Variants in SCTR observed in about 807,000 individuals in gnomAD.
SCTR encodes secretin receptor.
SCTR carries 56 observed loss-of-function variants against 60.8 expected under a neutral mutation model. That is an observed-to-expected ratio of 0.92 (90% CI 0.74 to 1.15). The LOEUF is 1.15. SCTR is among the 50% of genes most tolerant of loss of function. The pLI is 0.00. For synonymous variants in SCTR, 202 were observed against 217.0 expected, an observed-to-expected ratio of 0.93 and a Z score of 0.61; for missense variants, 562 against 550.4, an observed-to-expected ratio of 1.02 and a Z score of -0.21.
intron 7 of SCTR, among the ~76,000 whole-genome samples, chr2:119,456,912 C>T (rs545313680): frequency 6.6e-6 from 1 of 152,218 alleles, no homozygotes; most frequent in East Asian, 1.9e-4. Context: ...CAAGGAATGC[C>T]AAGCATTGCC....
intron 10 of SCTR, among the ~76,000 whole-genome samples, chr2:119,447,402 T>G (rs931029331): frequency 6.6e-6 from 1 of 152,164 alleles, no homozygotes; most frequent in Non-Finnish European, 1.5e-5. Context: ...AACGATTTGT[T>G]GTTTATCCAA....
intron 2 of SCTR, among the ~76,000 whole-genome samples, chr2:119,483,802 G>A (rs61154531): frequency 0.037 from 5,565 of 152,224 alleles, 340 homozygotes; most frequent in African/African-American, 0.13. Flanking sequence ...CAGGAGGTGC[G>A]TGGCTCTAGC....
intron 12 of SCTR, among the ~76,000 whole-genome samples, chr2:119,441,113 AG>A (rs1682641341): frequency 1.3e-5 from 2 of 152,306 alleles, no homozygotes; most frequent in Admixed American, 1.3e-4. Flanking sequence ...AGCTGCAGAC[AG>A]TTCTGAGTCA....
At chr2:119,464,371 C>A (rs1008742934) in intron 5 of SCTR, 116 bp from the exon 6 acceptor site, 3 of 958,782 alleles carry the variant, frequency 3.1e-6, no homozygotes. Flanking sequence ...CAGCTCTTTC[C>A]GGGTAACACA....
At chr2:119,463,044 TCA>T (rs1306460568) in intron 6 of SCTR, among the ~76,000 whole-genome samples, 2 of 149,886 alleles carry the variant, frequency 1.3e-5, no homozygotes, top group Non-Finnish European at 1.5e-5. Flanking sequence ...GAAGAACCTC[TCA>T]GTCTGAGTCA....
intron 12 of SCTR, 100 bp downstream of exon 12, chr2:119,441,458 C>T: frequency 2.1e-6 from 2 of 935,914 alleles, no homozygotes; most frequent in Non-Finnish European, 3.4e-6. Flanking sequence ...CTGACCCTTT[C>T]CATCCCCCTT....
chr2:119,496,050 G>T (rs1042226149), intron 1 of SCTR, among the ~76,000 whole-genome samples: 2 of 152,148 alleles, frequency 1.3e-5, no homozygotes, highest in African/African-American at 4.8e-5. Context: ...CACAGCTCAC[G>T]CACTCCTGCT....
At chr2:119,469,213 T>C (rs1676873260) in intron 4 of SCTR, among the ~76,000 whole-genome samples, 1 of 152,056 alleles carries the variant, frequency 6.6e-6, no homozygotes, top group South Asian at 2.1e-4. Flanking sequence ...ACATATAATC[T>C]CGCCATGTAC....
chr2:119,504,174 A>C (rs956893134), intron 1 of SCTR, among the ~76,000 whole-genome samples: 1 of 152,242 alleles, frequency 6.6e-6, no homozygotes, highest in Non-Finnish European at 1.5e-5. Flanking sequence ...TCATCTTTTC[A>C]ACAAATGGTG....
Position 119,453,335 on chromosome 2 carries a change from A to C in SCTR, c.803T>G (p.Ile268Ser). 6.2e-7 allele frequency: 1 copy of C among 1,613,648 alleles called. No homozygotes were observed. Among genetic ancestry groups the C allele is most frequent in the Non-Finnish European group, 8.5e-7 (1 of 1,179,508 alleles). The change falls in exon 8 of 13, where the codon ATT becomes AGT. Residue 268 changes from isoleucine to serine, a missense_variant. Physicochemically the swap from Ile to Ser is moderately radical, Grantham distance 142 (BLOSUM62 -2). Transcript: ENST00000019103. ...FVAFGWGSPA[I>S]FVALWAIARH... is the part of the protein sequence containing the mutation. The stretch of plus-strand genomic sequence containing the variant: ...GGCAATAGCCCACAAAGCAACAAAA[A>C]TGGCTGGAGAACCTGAGGATTAAAA...
At chr2:119,493,638 C>CT (rs1678222290) in intron 2 of SCTR, among the ~76,000 whole-genome samples, 1 of 96,324 alleles carries the variant, frequency 1.0e-5, no homozygotes, top group Non-Finnish European at 2.4e-5. Context: ...CTCCATTCTT[C>CT]TTCTTTTTTT....
At chr2:119,483,960 G>T (rs958852301) in intron 2 of SCTR, among the ~76,000 whole-genome samples, 1 of 152,074 alleles carries the variant, frequency 6.6e-6, no homozygotes, top group African/African-American at 2.4e-5. Flanking sequence ...AGCCAAGCAG[G>T]AATGGGAGGC....
intron 1 of SCTR, among the ~76,000 whole-genome samples, chr2:119,498,580 T>A (rs768771101): frequency 1.3e-5 from 2 of 152,102 alleles, no homozygotes; most frequent in Non-Finnish European, 2.9e-5. Context: ...ACAAGTATAT[T>A]ACAAATGCGG....
chr2:119,467,176 C>T (rs766966309), intron 4 of SCTR, among the ~76,000 whole-genome samples: 15 of 151,834 alleles, frequency 9.9e-5, no homozygotes, highest in South Asian at 2.1e-4. Context: ...GGTTAGAGTT[C>T]GAGACCAGCC....
chr2:119,514,008 G>A (rs1679036030), intron 1 of SCTR, among the ~76,000 whole-genome samples: 1 of 152,220 alleles, frequency 6.6e-6, no homozygotes, highest in Non-Finnish European at 1.5e-5. Flanking sequence ...GTCACTGCAT[G>A]TCTAACAGTG....
chr2:119,483,224 C>G (rs1677711994), intron 2 of SCTR, among the ~76,000 whole-genome samples: 1 of 152,226 alleles, frequency 6.6e-6, no homozygotes. Flanking sequence ...CAGGCCTGTG[C>G]TGGATGCACA....
At chr2:119,485,086 G>A (rs1049556253) in intron 2 of SCTR, among the ~76,000 whole-genome samples, 1 of 152,236 alleles carries the variant, frequency 6.6e-6, no homozygotes, top group African/African-American at 2.4e-5. Context: ...CACCACCTGT[G>A]ACTAACACCA....
chr2:119,499,633 GAA>G (rs1215393064), intron 1 of SCTR, among the ~76,000 whole-genome samples: 1 of 151,976 alleles, frequency 6.6e-6, no homozygotes, highest in Non-Finnish European at 1.5e-5. Flanking sequence ...GTTTAATATT[GAA>G]AATGAATCAA....
chr2:119,518,154 C>T (rs975859808), intron 1 of SCTR, among the ~76,000 whole-genome samples: 4 of 152,124 alleles, frequency 2.6e-5, no homozygotes, highest in African/African-American at 7.2e-5. Flanking sequence ...ACCTCCAGAA[C>T]CGCGAGATTA....
Sources: gnomAD v4.1 joint callset for allele counts (sites outside exome capture counted in the v4.1 genomes callset) on GRCh38, gnomAD v4.1.1 for gene constraint, MANE v1.5 for transcripts, NCBI Gene and HGNC (gene_info 2026-07-23, HGNC 2026-07-21) for gene names.